RPS6KA2: variants seen among roughly 807,000 people sequenced by gnomAD.
The protein encoded by RPS6KA2 is ribosomal protein S6 kinase alpha-2.
RPS6KA2 carries 42 observed loss-of-function variants against 91.8 expected under a neutral mutation model. The ratio of observed to expected loss-of-function variants is 0.46; its 90% CI spans 0.36 to 0.59. RPS6KA2 has a LOEUF of 0.59. Among genes scored for constraint, RPS6KA2 ranks in the 20% least tolerant of loss-of-function variants. The pLI, the probability that RPS6KA2 is intolerant of heterozygous loss-of-function variation, is 0.00. For synonymous variants in RPS6KA2, 414 were observed against 393.6 expected (o/e 1.05, Z -0.61); for missense variants, 798 against 978.5 (o/e 0.82, Z 2.46).
At chr6:166,693,935 C>G (rs750419202) in intron 2 of RPS6KA2, among the ~76,000 whole-genome samples, 1 of 152,212 alleles carries the variant, frequency 6.6e-6, no homozygotes, top group African/African-American at 2.4e-5. Flanking sequence ...TCCCTCTGTC[C>G]CCTACCTCAA....
chr6:166,647,886 A>G (rs1200607287), intron 2 of RPS6KA2, among the ~76,000 whole-genome samples: 1 of 147,802 alleles, frequency 6.8e-6, no homozygotes, highest in Non-Finnish European at 1.5e-5. Context: ...GCTGACACAC[A>G]TACATACACA....
At chr6:166,457,378 G>C (rs2128458938) in intron 12 of RPS6KA2, among the ~76,000 whole-genome samples, 1 of 152,330 alleles carries the variant, frequency 6.6e-6, no homozygotes, top group East Asian at 1.9e-4. Flanking sequence ...ATTGGGTTAA[G>C]TTTGTCAATG....
intron 13 of RPS6KA2, among the ~76,000 whole-genome samples, chr6:166,450,442 C>CAGGAACCACCATGAGGACCACCAT (rs1779861070): frequency 7.0e-6 from 1 of 143,714 alleles, no homozygotes; most frequent in South Asian, 2.3e-4. Context: ...GGGACCACCA[C>CAGGAACCACCATGAGGACCACCAT]AGGAACCACC....
chr6:166,679,614 G>A (rs1583012216), intron 2 of RPS6KA2, among the ~76,000 whole-genome samples: 2 of 152,238 alleles, frequency 1.3e-5, no homozygotes, highest in East Asian at 1.9e-4. Context: ...GCCCTGGCTC[G>A]CTCTCGGCAC....
At chr6:166,535,843 T>C (rs1193257584) in intron 2 of RPS6KA2, among the ~76,000 whole-genome samples, 1 of 152,244 alleles carries the variant, frequency 6.6e-6, no homozygotes, top group Non-Finnish European at 1.5e-5. Flanking sequence ...TAGATAGCGA[T>C]GAAATCATGA....
In RPS6KA2 at chr6:166,852,144, C is replaced by T. The variant is rs1367116731; in HGVS notation, c.123+6056G>A. Among the ~76,000 whole-genome samples, 1 of 152,154 alleles carries T rather than the reference C, an allele frequency of 6.6e-6. No individual in the cohort carries two copies. The highest frequency in any genetic ancestry group is 1.5e-5 in the Non-Finnish European group (1 of 68,022). ...CCCTTTTCTAGCATTTCTGCAAGGA[C>T]TAAAGTGATTCTTGTCTGCTGGACA... On this transcript the variant is annotated intron_variant, in intron 2 of 21. Transcript: ENST00000503859. This position sits in a 1 kb window ranked among gnomAD's most constrained non-coding sequence, Gnocchi z 4.1.
intron 1 of RPS6KA2, among the ~76,000 whole-genome samples, chr6:166,619,348 CT>C (rs1410492688): frequency 6.6e-6 from 1 of 152,212 alleles, no homozygotes; most frequent in Non-Finnish European, 1.5e-5. Context: ...CAAAGGTGTT[CT>C]AAAAATAAAT....
At chr6:166,661,630 T>C (rs1279655313) in intron 2 of RPS6KA2, among the ~76,000 whole-genome samples, 1 of 152,098 alleles carries the variant, frequency 6.6e-6, no homozygotes, top group African/African-American at 2.4e-5. Flanking sequence ...AATCTACATT[T>C]ATATTTTCTA....
chr6:166,582,944 A>C (rs895825585), intron 1 of RPS6KA2, among the ~76,000 whole-genome samples: 1 of 152,218 alleles, frequency 6.6e-6, no homozygotes, highest in Non-Finnish European at 1.5e-5. Context: ...TAAGAAAAAT[A>C]ACTCACTATA....
intron 13 of RPS6KA2, among the ~76,000 whole-genome samples, chr6:166,450,703 G>A (rs1198173914): frequency 6.7e-6 from 1 of 150,200 alleles, no homozygotes; most frequent in Non-Finnish European, 1.5e-5. Context: ...ACCACCACAA[G>A]GGACCACCCC....
At chr6:166,847,005 T>TA (rs1780624470) in intron 2 of RPS6KA2, among the ~76,000 whole-genome samples, 1 of 152,026 alleles carries the variant, frequency 6.6e-6, no homozygotes, top group Non-Finnish European at 1.5e-5. Flanking sequence ...TGACAATACC[T>TA]AAAAAAACCT....
At position 166,666,936 on chromosome 6, in the gene RPS6KA2, C is replaced by T. The variant is rs141273176; in HGVS notation, c.124-128152G>A. ...GGCACACAATGGAAGGAAATGACGA[C>T]GCACGTTGCAATGTGGATGAACCTG... On this transcript the variant is annotated intron_variant, in intron 2 of 21. Coordinates refer to the RPS6KA2 transcript ENST00000503859. The surrounding 1 kb of genome is among the most constrained non-coding windows in gnomAD (Gnocchi z 4.0). Among the ~76,000 whole-genome samples the T allele has an allele frequency of 2.6e-3, 391 of 152,214 alleles. No homozygotes were observed. Among genetic ancestry groups the T allele is most frequent in the Non-Finnish European group, 3.8e-3 (261 of 68,014 alleles).
intron 1 of RPS6KA2, among the ~76,000 whole-genome samples, chr6:166,596,759 A>G (rs1785548205): frequency 6.6e-6 from 1 of 152,102 alleles, no homozygotes; most frequent in African/African-American, 2.4e-5. Flanking sequence ...TCACATATAC[A>G]TCTATCCTAT....
intron 2 of RPS6KA2, among the ~76,000 whole-genome samples, chr6:166,640,825 G>A (rs1195255050): frequency 6.6e-6 from 1 of 151,886 alleles, no homozygotes; most frequent in Non-Finnish European, 1.5e-5. Flanking sequence ...GTGGGGGGTC[G>A]GATCCGAGTC....
At chr6:166,763,569 A>C (rs1363508374) in intron 2 of RPS6KA2, among the ~76,000 whole-genome samples, 1 of 152,246 alleles carries the variant, frequency 6.6e-6, no homozygotes, top group Non-Finnish European at 1.5e-5. Flanking sequence ...TTTACCAAAG[A>C]AAAGCAAAGC....
chr6:166,799,090 C>T (rs1406015150), intron 2 of RPS6KA2, among the ~76,000 whole-genome samples: 1 of 152,238 alleles, frequency 6.6e-6, no homozygotes, highest in African/African-American at 2.4e-5. Context: ...AAACCAGTGA[C>T]ATAGCAAATC....
rs979040202 is a variant in RPS6KA2, at chr6:166,419,080, T to C, written c.1821-738A>G. Among the ~76,000 whole-genome samples, 1 of 152,242 alleles carries C rather than the reference T, an allele frequency of 6.6e-6. No individual in the cohort carries two copies. The highest frequency in any genetic ancestry group is 2.4e-5 in the African/African-American group (1 of 41,468). On this transcript the variant is annotated intron_variant, in intron 18 of 20. Transcript: ENST00000265678. This position sits in a 1 kb window ranked among gnomAD's most constrained non-coding sequence, Gnocchi z 5.6. ...TTCAGGGCCTGATTTACTCTCCTTC[T>C]GCTGTGGACACTACCTGTTGACTTA...
At chr6:166,505,409 G>A (rs761942763) in intron 5 of RPS6KA2, among the ~76,000 whole-genome samples, 3 of 152,146 alleles carry the variant, frequency 2.0e-5, no homozygotes, top group South Asian at 4.1e-4. Flanking sequence ...CCCCACCCCC[G>A]ACTTGTTAGA....
At chr6:166,668,055 C>T (rs1788368097) in intron 2 of RPS6KA2, among the ~76,000 whole-genome samples, 1 of 152,182 alleles carries the variant, frequency 6.6e-6, no homozygotes, top group South Asian at 2.1e-4. Context: ...TGGATTAAAG[C>T]ACTCAGTGTG....
Sources: gnomAD v4.1 joint callset for allele counts (sites outside exome capture counted in the v4.1 genomes callset) on GRCh38, gnomAD v4.1.1 for gene constraint, Gnocchi (gnomAD v3.1) non-coding constraint, MANE v1.5 for transcripts, NCBI Gene and HGNC (gene_info 2026-07-23, HGNC 2026-07-21) for gene names.